Variants in ANAPC5 observed in about 807,000 individuals in gnomAD.
ANAPC5 encodes anaphase promoting complex subunit 5.
In ANAPC5, 60 loss-of-function variants were observed where a neutral mutation model predicts 91.3. The ratio of observed to expected loss-of-function variants is 0.66; its 90% CI spans 0.53 to 0.81. The LOEUF is 0.81. Among genes scored for constraint, ANAPC5 ranks in the 40% least tolerant of loss-of-function variants. ANAPC5 has a pLI of 0.00. For missense variants in ANAPC5, 690 were observed against 931.5 expected (o/e 0.74, Z 3.37); for synonymous variants, 340 against 364.1 (o/e 0.93, Z 0.75).
At chr12:121,349,794 AC>A (rs1555275109) in intron 1 of ANAPC5, among the ~76,000 whole-genome samples, 3 of 143,686 alleles carry the variant, frequency 2.1e-5, no homozygotes, top group Non-Finnish European at 4.5e-5. Flanking sequence ...TGCAACCTCC[AC>A]CTCCTGGGTT....
chr12:121,344,133 A>T (rs1903566049), intron 4 of ANAPC5, among the ~76,000 whole-genome samples: 1 of 152,180 alleles, frequency 6.6e-6, no homozygotes, highest in Admixed American at 6.5e-5. Context: ...TGAGTCAGGC[A>T]CTCTACTAAA....
chr12:121,320,510 C>G (rs1304470543), intron 11 of ANAPC5, 51 bp from the exon 12 acceptor site: 11 of 1,503,814 alleles, frequency 7.3e-6, no homozygotes, highest in African/African-American at 1.4e-5. Context: ...TGAATCCACA[C>G]CTGCTGTACC....
intron 1 of ANAPC5, among the ~76,000 whole-genome samples, chr12:121,350,859 TCAC>T (rs1555275255): frequency 5.3e-5 from 8 of 152,026 alleles, no homozygotes; most frequent in African/African-American, 1.9e-4. Context: ...AGGCCATCAC[TCAC>T]GTAACCATGA....
At chr12:121,335,770 T>G in intron 6 of ANAPC5, 47 bp from the exon 7 acceptor site, 217 of 1,503,660 alleles carry the variant, frequency 1.4e-4, no homozygotes, top group Middle Eastern at 2.0e-4. Flanking sequence ...TAAATATCTC[T>G]GGTGTAAGAC....
Position 121,336,694 on chromosome 12 carries a change from C to A in ANAPC5, c.759+597G>T, listed in dbSNP as rs79880512. ...AAACTCAGTCTCCAAAACAAACAAACAAACACTGTTTTTTGCATCAGTCTA... is the reference window on the plus strand; with the variant it reads ...AAACTCAGTCTCCAAAACAAACAAAAAAACACTGTTTTTTGCATCAGTCTA... On this transcript the variant is annotated intron_variant, in intron 6 of 16. Transcript: ENST00000261819. Among the ~76,000 whole-genome samples, 718 of 152,114 alleles carry A rather than the reference C, an allele frequency of 4.7e-3. 34 individuals are homozygous for A. The East Asian group carries it at 0.12, about 25-fold the overall frequency.
At chr12:121,328,999 GCTCAACTAAAAA>G (rs1902927746) in intron 9 of ANAPC5, 1 of 152,646 alleles carries the variant, frequency 6.6e-6, no homozygotes, top group Non-Finnish European at 1.5e-5. Context: ...AAGGATGAAA[GCTCAACTAAAAA>G]ATGCCAGCTT....
At chr12:121,345,731 T>C (rs1903641234) in intron 4 of ANAPC5, 108 bp downstream of exon 4, 3 of 1,180,242 alleles carry the variant, frequency 2.5e-6, no homozygotes, top group African/African-American at 1.5e-5. Flanking sequence ...TCTGGAAGGG[T>C]AAAAAGGGCA....
chr12:121,318,072 G>A, intron 15 of ANAPC5: 1 of 453,214 alleles, frequency 2.2e-6, no homozygotes, highest in Non-Finnish European at 3.7e-6. Context: ...GCTCAGGAAA[G>A]CCAGTGCCAC....
rs969035746 is a variant in ANAPC5 at position 121,342,784 on chromosome 12, G to T, written c.591-715C>A. On this transcript the variant is annotated intron_variant, in intron 4 of 16. Coordinates refer to ENST00000261819, the MANE Select transcript of ANAPC5 (RefSeq NM_016237.5). The surrounding 1 kb of genome is among the most constrained non-coding windows in gnomAD (Gnocchi z 4.1). ...TGAGGCAGAAAAATTGTTTGATCCC[G>T]GGAGGTGGAGGTTGCAGCGAGCCAA... Among the ~76,000 whole-genome samples, 1 of 152,124 alleles carries T rather than the reference G, an allele frequency of 6.6e-6. No homozygotes were observed. The highest frequency in any genetic ancestry group is 1.5e-5 in the Non-Finnish European group (1 of 68,026).
Position 121,328,472 on chromosome 12 carries a change from G to A in ANAPC5, c.1148C>T (p.Ser383Phe), listed in dbSNP as rs1566187055. 1.2e-6 allele frequency: 2 copies of A among 1,613,898 alleles called. No individual in the cohort carries two copies. The highest frequency in any genetic ancestry group is 4.5e-5 in the East Asian group (2 of 44,878). The change falls in exon 10 of 17, where the codon TCC (serine) becomes TTC (phenylalanine). Residue 383 changes from serine (S) to phenylalanine (F), a missense_variant. Transcript: ENST00000261819. Reference sequence around the variant, plus strand: ...AGCAAAAGCTCTCTGTTGAACAAGGGACTGTATTCCCAGGGAGGCGAGGTA... The same window carrying A: ...AGCAAAAGCTCTCTGTTGAACAAGGAACTGTATTCCCAGGGAGGCGAGGTA... ...LPYLASLGIQ[S>F]LVQQRAFAGK...
chr12:121,342,100 A>G lies in ANAPC5; in HGVS notation c.591-31T>C. Reference sequence around the variant, plus strand: ...AAAAATAAAAAAACAAAAATAGTAAAGAATTACACAAAAGTAAAAATGATA... The same window carrying G: ...AAAAATAAAAAAACAAAAATAGTAAGGAATTACACAAAAGTAAAAATGATA... On this transcript the variant is annotated intron_variant, in intron 4 of 16. Coordinates refer to ENST00000261819, the MANE Select transcript of ANAPC5 (RefSeq NM_016237.5). The surrounding 1 kb of genome is among the most constrained non-coding windows in gnomAD (Gnocchi z 4.1). 1 of 1,465,256 alleles carries G rather than the reference A, an allele frequency of 6.8e-7. No individual in the cohort carries two copies. Among genetic ancestry groups the G allele is most frequent in the Non-Finnish European group, 9.4e-7 (1 of 1,067,006 alleles). The allele number at this position is 1,465,256 out of a possible 1,614,324, so 90.8% of individuals were successfully genotyped here.
rs188832984 is a variant in ANAPC5 at position 121,318,449 on chromosome 12, G to A, written c.1746-25C>T. ...ACTGACCGTAAAGAGGAAAACACAGGATGAGAAGATCCACCACCACATCTC... is the reference window on the plus strand; with the variant it reads ...ACTGACCGTAAAGAGGAAAACACAGAATGAGAAGATCCACCACCACATCTC... On this transcript the variant is annotated intron_variant, in intron 14 of 16. Transcript: ENST00000261819. The A allele has an allele frequency of 4.9e-5, 79 of 1,611,580 alleles. 1 individual carries two copies. In the Admixed American group the frequency reaches 1.0e-3, roughly 21 times the overall value.
intron 1 of ANAPC5, among the ~76,000 whole-genome samples, chr12:121,349,899 T>G (rs1168833834): frequency 6.6e-6 from 1 of 151,802 alleles, no homozygotes; most frequent in Non-Finnish European, 1.5e-5. Context: ...TTAGTAGAGA[T>G]GGGGTTTCAC....
chr12:121,320,465 G>C lies in ANAPC5; in HGVS notation c.1441-6C>G. On this transcript the variant is annotated splice_region_variant and splice_polypyrimidine_tract_variant and intron_variant, in intron 11 of 16. Transcript: ENST00000261819. ...GAAGCTGCAGCAAAACAGCCCTAAA[G>C]TAGAAACACACAATTTGATCAGCAT... 1 of 1,613,284 alleles carries C rather than the reference G, an allele frequency of 6.2e-7. No homozygotes were observed. The highest frequency in any genetic ancestry group is 8.5e-7 in the Non-Finnish European group (1 of 1,179,380).
At chr12:121,328,637 GGCCTT>G in intron 9 of ANAPC5, 140 bp from the exon 10 acceptor site, 7 of 761,634 alleles carry the variant, frequency 9.2e-6, no homozygotes. Context: ...CCTATAACCT[GGCCTT>G]AACCCTGAGC....
chr12:121,317,764 CCTT>C (rs1902427024), intron 15 of ANAPC5: 1 of 152,206 alleles, frequency 6.6e-6, no homozygotes, highest in South Asian at 2.1e-4. Context: ...GTGCATTTGA[CCTT>C]CACTCATTCA....
rs900983600 is a variant in ANAPC5, at chr12:121,342,670, C to A, written c.591-601G>T. Among the ~76,000 whole-genome samples, 1 of 152,150 alleles carries A rather than the reference C, an allele frequency of 6.6e-6. No homozygotes were observed. The highest frequency in any genetic ancestry group is 2.4e-5 in the African/African-American group (1 of 41,442). On this transcript the variant is annotated intron_variant, in intron 4 of 16. Coordinates refer to ENST00000261819, the MANE Select transcript of ANAPC5 (RefSeq NM_016237.5). This position sits in a 1 kb window ranked among gnomAD's most constrained non-coding sequence, Gnocchi z 4.1. ...GGTCAAGAGATCAAGACCATCCTGACCAACATGGTGAAAACCTGTCTCTAC... is the reference window on the plus strand; with the variant it reads ...GGTCAAGAGATCAAGACCATCCTGAACAACATGGTGAAAACCTGTCTCTAC...
At chr12:121,347,500 G>A in intron 2 of ANAPC5, 1 of 340,032 alleles carries the variant, frequency 2.9e-6, no homozygotes, top group South Asian at 4.1e-5. Flanking sequence ...GTTTGGTGGT[G>A]TATGCTTGTA....
chr12:121,328,541 G>T lies in ANAPC5; in HGVS notation c.1123-44C>A, dbSNP rs373837134. ...CCACGACCCAAGATAGAGATTACAT[G>T]ACAGAATTTGTTTTGCTCTTCAGAA... On this transcript the variant is annotated intron_variant, in intron 9 of 16. Coordinates refer to ENST00000261819, the MANE Select transcript of ANAPC5 (RefSeq NM_016237.5). 1.3e-5 allele frequency: 21 copies of T among 1,576,542 alleles called. No homozygotes were observed. In the African/African-American group the frequency reaches 2.6e-4, roughly 19 times the overall value.
Sources: gnomAD v4.1 joint callset for allele counts (sites outside exome capture counted in the v4.1 genomes callset) on GRCh38, gnomAD v4.1.1 for gene constraint, Gnocchi (gnomAD v3.1) non-coding constraint, MANE v1.5 for transcripts, NCBI Gene and HGNC (gene_info 2026-07-23, HGNC 2026-07-21) for gene names.